Variants in OSBPL1A observed in about 807,000 individuals in gnomAD.
The protein encoded by OSBPL1A is oxysterol binding protein like 1A, also known as oxysterol-binding protein-related protein 1.
Under a neutral mutation model 137.1 loss-of-function variants are expected in OSBPL1A, and 80 were observed. The ratio of observed to expected loss-of-function variants is 0.58; its 90% CI spans 0.49 to 0.70. The LOEUF (loss-of-function observed/expected upper bound fraction) is 0.70, where lower values mean the gene tolerates loss of function less well. Ranked by LOEUF, OSBPL1A falls within the 30% of genes least tolerant of loss-of-function variation. The pLI, the probability that OSBPL1A is intolerant of heterozygous loss-of-function variation, is 0.00. For synonymous variants in OSBPL1A, 365 were observed against 389.7 expected (o/e 0.94, Z 0.75); for missense variants, 970 against 1,129.4 (o/e 0.86, Z 2.02).
At chr18:24,259,934 A>T (rs1396985626) in intron 15 of OSBPL1A, among the ~76,000 whole-genome samples, 7 of 152,212 alleles carry the variant, frequency 4.6e-5, no homozygotes, top group Non-Finnish European at 1.0e-4. Flanking sequence ...TATATCTAAC[A>T]AGGGTCTAGT....
intron 15 of OSBPL1A, chr18:24,272,110 C>T (rs2089738221): frequency 2.0e-6 from 2 of 983,330 alleles, no homozygotes; most frequent in Non-Finnish European, 1.2e-6. Flanking sequence ...GGGAAGCCTG[C>T]ACGGCCCTCC....
At chr18:24,256,302 C>A (rs2089273093) in intron 15 of OSBPL1A, among the ~76,000 whole-genome samples, 1 of 152,048 alleles carries the variant, frequency 6.6e-6, no homozygotes, top group Non-Finnish European at 1.5e-5. Flanking sequence ...GGATTTATCC[C>A]AGGGATGGTA....
chr18:24,206,491 G>A lies in OSBPL1A; in HGVS notation c.1602-10291C>T, dbSNP rs186679089. Among the ~76,000 whole-genome samples, 159 of 152,200 alleles carry A rather than the reference G, an allele frequency of 1.0e-3. 1 individual carries two copies. Among genetic ancestry groups the A allele is most frequent in the African/African-American group, 6.3e-4 (26 of 41,516 alleles). ...AGAGTGAAAGTGCTGGGACAATTCC[G>A]TCCAATTAACATTTTTCATTTAATT... On this transcript the variant is annotated intron_variant, in intron 17 of 27. Coordinates refer to ENST00000319481, the MANE Select transcript of OSBPL1A (RefSeq NM_080597.4).
At chr18:24,236,170 A>G (rs560980081) in intron 16 of OSBPL1A, among the ~76,000 whole-genome samples, 2 of 152,250 alleles carry the variant, frequency 1.3e-5, no homozygotes, top group Non-Finnish European at 2.9e-5. Flanking sequence ...GTTTGTGGTG[A>G]TCTATTGCAG....
chr18:24,350,019 C>T (rs1030511645), intron 4 of OSBPL1A, among the ~76,000 whole-genome samples: 2 of 152,210 alleles, frequency 1.3e-5, no homozygotes, highest in Admixed American at 1.3e-4. Context: ...AATTCTAGGA[C>T]ACCAAGGGTG....
chr18:24,270,200 C>G (rs2089683793), intron 15 of OSBPL1A, among the ~76,000 whole-genome samples: 1 of 152,220 alleles, frequency 6.6e-6, no homozygotes, highest in Non-Finnish European at 1.5e-5. Context: ...TTTAGCCAAC[C>G]TTTTTATAAA....
chr18:24,213,385 T>C (rs779494732), intron 17 of OSBPL1A, among the ~76,000 whole-genome samples: 1 of 152,106 alleles, frequency 6.6e-6, no homozygotes, highest in East Asian at 1.9e-4. Context: ...CTGGGCAACA[T>C]AGTGAAATCC....
At chr18:24,171,346 A>G (rs1567916861) in intron 23 of OSBPL1A, 63 bp downstream of exon 23, 51 of 1,300,180 alleles carry the variant, frequency 3.9e-5, no homozygotes, top group Non-Finnish European at 4.8e-5. Context: ...ATGTATTTTA[A>G]TACCGACATT....
chr18:24,305,344 C>T lies in OSBPL1A; in HGVS notation c.1093-1626G>A, dbSNP rs146326210. The stretch of plus-strand genomic sequence containing the variant: ...ACAGTTATTAATAAGTTTCCTTGAT[C>T]GACGATTTACTTGTTTTAAAGGGTA... On this transcript the variant is annotated intron_variant, in intron 13 of 27. Coordinates refer to ENST00000319481, the MANE Select transcript of OSBPL1A (RefSeq NM_080597.4). 2.2e-3 allele frequency among the ~76,000 whole-genome samples: 342 copies of T among 152,172 alleles called. 1 individual carries two copies. Among genetic ancestry groups the T allele is most frequent in the African/African-American group, 7.0e-3 (289 of 41,542 alleles).
intron 17 of OSBPL1A, among the ~76,000 whole-genome samples, chr18:24,221,260 T>A (rs1188614601): frequency 6.6e-6 from 1 of 152,216 alleles, no homozygotes; most frequent in East Asian, 1.9e-4. Flanking sequence ...GTGCATTCCT[T>A]GTGTAAATGC....
intron 2 of OSBPL1A, among the ~76,000 whole-genome samples, chr18:24,369,318 T>C (rs1905426067): frequency 6.6e-6 from 1 of 152,138 alleles, no homozygotes; most frequent in African/African-American, 2.4e-5. Flanking sequence ...TTGCAAAAAC[T>C]AAAATCACAG....
At chr18:24,387,957 T>C (rs1907052640) in intron 1 of OSBPL1A, among the ~76,000 whole-genome samples, 1 of 152,112 alleles carries the variant, frequency 6.6e-6, no homozygotes, top group African/African-American at 2.4e-5. Context: ...AGGGGATGAA[T>C]CGATAGCCAA....
At position 24,167,356 on chromosome 18, in the gene OSBPL1A, T is replaced by C; in HGVS notation, c.2508A>G (p.Ile836Met). The C allele has an allele frequency of 6.2e-7, 1 of 1,614,212 alleles. No homozygotes were observed. The highest frequency in any genetic ancestry group is 8.5e-7 in the Non-Finnish European group (1 of 1,180,032). Residue 836 changes from isoleucine to methionine, a missense_variant, in exon 25 of 28, where the codon ATA becomes ATG. Around this residue, in one of 2 missense-constraint regions of OSBPL1A, gnomAD observed 323 missense variants for 456.8 expected, o/e 0.71. Transcript: ENST00000319481. ...IIPGSVLLWRIAPRPPNSAQM... is the reference protein window; with the variant it reads ...IIPGSVLLWRMAPRPPNSAQM... ...GGGCAGAATTTGGAGGCCGTGGGGC[T>C]ATTCGCCATAGAAGAACGCTTCCAG...
chr18:24,185,853 T>C (rs2086734058), intron 18 of OSBPL1A, among the ~76,000 whole-genome samples: 1 of 152,188 alleles, frequency 6.6e-6, no homozygotes, highest in African/African-American at 2.4e-5. Flanking sequence ...CGAGGATCAC[T>C]TGAGCCCAGG....
chr18:24,248,408 T>C (rs1291941841), intron 15 of OSBPL1A, among the ~76,000 whole-genome samples: 3 of 152,196 alleles, frequency 2.0e-5, no homozygotes, highest in African/African-American at 7.2e-5. Flanking sequence ...CTGACTGTGA[T>C]TGGCCTGTGG....
intron 15 of OSBPL1A, among the ~76,000 whole-genome samples, chr18:24,274,096 T>G (rs749617235): frequency 6.6e-6 from 1 of 151,940 alleles, no homozygotes; most frequent in Non-Finnish European, 1.5e-5. Context: ...TAGCAGGGTA[T>G]GGTGGTGTGT....
intron 4 of OSBPL1A, among the ~76,000 whole-genome samples, chr18:24,353,167 G>A (rs1011171680): frequency 2.0e-5 from 3 of 152,146 alleles, no homozygotes; most frequent in South Asian, 2.1e-4. Context: ...CAACCTATTC[G>A]TCTGTCAAAG....
chr18:24,325,512 G>A (rs1289376803), intron 7 of OSBPL1A, among the ~76,000 whole-genome samples: 1 of 152,192 alleles, frequency 6.6e-6, no homozygotes, highest in Non-Finnish European at 1.5e-5. Context: ...CAACTCAGCT[G>A]TTTGCTCAAA....
At chr18:24,212,970 T>C (rs923784106) in intron 17 of OSBPL1A, among the ~76,000 whole-genome samples, 1 of 152,238 alleles carries the variant, frequency 6.6e-6, no homozygotes, top group East Asian at 1.9e-4. Flanking sequence ...ATGTACCCTG[T>C]ACCTAGTTTC....
Sources: gnomAD v4.1 joint callset for allele counts (sites outside exome capture counted in the v4.1 genomes callset) on GRCh38, gnomAD v4.1.1 for gene constraint, gnomAD v4.1.1 regional missense constraint, MANE v1.5 for transcripts, NCBI Gene and HGNC (gene_info 2026-07-23, HGNC 2026-07-21) for gene names.